Variants in KANK1 observed in about 807,000 individuals in gnomAD.
The protein encoded by KANK1 is KN motif and ankyrin repeat domains 1, also known as KN motif and ankyrin repeat domain-containing protein 1.
A neutral mutation model predicts 106.2 loss-of-function variants in KANK1; 109 were observed. The observed-to-expected ratio is 1.03, with a 90% CI of 0.88 to 1.20. KANK1 has a LOEUF of 1.20. KANK1 is among the 50% of genes most tolerant of loss of function. The pLI is 0.00. For missense variants in KANK1, 2,399 were observed against 1,710.7 expected, an observed-to-expected ratio of 1.40 and a Z score of -7.10; for synonymous variants, 873 against 652.2, an observed-to-expected ratio of 1.34 and a Z score of -5.16.
At chr9:578,964 T>A (rs1821313846) in intron 1 of KANK1, among the ~76,000 whole-genome samples, 1 of 152,216 alleles carries the variant, frequency 6.6e-6, no homozygotes. Context: ...TGTTATATCT[T>A]GACTTAATAA....
At chr9:509,457 C>T (rs2058932709) in intron 1 of KANK1, among the ~76,000 whole-genome samples, 1 of 152,218 alleles carries the variant, frequency 6.6e-6, no homozygotes, top group Middle Eastern at 3.2e-3. Flanking sequence ...CAGTGCTTTT[C>T]CATGTCTGTT....
chr9:556,875 C>G (rs1224764958), intron 1 of KANK1, among the ~76,000 whole-genome samples: 6 of 152,154 alleles, frequency 3.9e-5, no homozygotes, highest in Non-Finnish European at 8.8e-5. Context: ...CCAGTATGGT[C>G]TCAGTAATGA....
chr9:569,525 C>A (rs550681174), intron 1 of KANK1, among the ~76,000 whole-genome samples: 10 of 152,160 alleles, frequency 6.6e-5, no homozygotes, highest in Non-Finnish European at 1.3e-4. Context: ...TCCCCACCAG[C>A]AAGAAGGCCC....
Position 614,557 on chromosome 9 carries a change from G to C in KANK1, c.-83-62333G>C, listed in dbSNP as rs527955709. 1.4e-4 allele frequency among the ~76,000 whole-genome samples: 22 copies of C among 152,302 alleles called. No homozygotes were observed. The East Asian group carries it at 4.2e-3, about 29-fold the overall frequency. On this transcript the variant is annotated intron_variant, in intron 1 of 11. Coordinates refer to ENST00000382297, the MANE Select transcript of KANK1 (RefSeq NM_015158.5). ...TGCTGCTGGTGTTATGAGTAGGACAGTTCCTCATTGTGTGGGACTGTCTCG... is the reference window on the plus strand; with the variant it reads ...TGCTGCTGGTGTTATGAGTAGGACACTTCCTCATTGTGTGGGACTGTCTCG...
chr9:629,385 T>C (rs1835139056), intron 1 of KANK1, among the ~76,000 whole-genome samples: 1 of 152,166 alleles, frequency 6.6e-6, no homozygotes, highest in African/African-American at 2.4e-5. Context: ...CTAACTTGGT[T>C]TCTTGCTGGT....
rs73376608 is a variant in KANK1 at position 740,761 on chromosome 9, C to G, written c.3554-31C>G. On this transcript the variant is annotated intron_variant, in intron 8 of 11. Coordinates refer to ENST00000382297, the MANE Select transcript of KANK1 (RefSeq NM_015158.5). The stretch of plus-strand genomic sequence containing the variant: ...GGCTGCTATTAGAAGGGGCTGCTTC[C>G]TAAGAGACTTTTTTTTTTTTTTTTT... 4,502 of 1,586,680 alleles carry G rather than the reference C, an allele frequency of 2.8e-3. 101 individuals carry two copies. The African/African-American group carries it at 0.053, about 19-fold the overall frequency.
At chr9:617,217 C>A (rs1832060127) in intron 1 of KANK1, among the ~76,000 whole-genome samples, 1 of 151,896 alleles carries the variant, frequency 6.6e-6, no homozygotes, top group African/African-American at 2.4e-5. Flanking sequence ...GAGTCCAGTT[C>A]TTTTGGCAGT....
chr9:508,111 C>CCTG (rs1427301775), intron 1 of KANK1, among the ~76,000 whole-genome samples: 1 of 143,662 alleles, frequency 7.0e-6, no homozygotes, highest in Non-Finnish European at 1.5e-5. Context: ...TGTGAGACAC[C>CCTG]CTGCTCAGCC....
intron 1 of KANK1, among the ~76,000 whole-genome samples, chr9:578,659 G>GA (rs1821235692): frequency 1.3e-5 from 2 of 152,000 alleles, no homozygotes; most frequent in Non-Finnish European, 2.9e-5. Context: ...CAAGTTTTAG[G>GA]AAAAAATCAA....
intron 1 of KANK1, among the ~76,000 whole-genome samples, chr9:640,751 C>G (rs1838240430): frequency 6.8e-6 from 1 of 147,192 alleles, no homozygotes; most frequent in Non-Finnish European, 1.5e-5. Flanking sequence ...GGCTGCAGTA[C>G]AGTGGTGCAA....
chr9:590,652 AG>A (rs1185584232), intron 1 of KANK1, among the ~76,000 whole-genome samples: 1 of 139,216 alleles, frequency 7.2e-6, no homozygotes, highest in Non-Finnish European at 1.6e-5. Context: ...TTTTTTTTTT[AG>A]GTGTGTATGC....
intron 1 of KANK1, among the ~76,000 whole-genome samples, chr9:663,244 G>A (rs1318405560): frequency 6.6e-6 from 1 of 152,136 alleles, no homozygotes; most frequent in African/African-American, 2.4e-5. Context: ...TATATCTGTG[G>A]CTACTACATT....
intron 1 of KANK1, among the ~76,000 whole-genome samples, chr9:568,164 C>G (rs80176722): frequency 6.6e-6 from 1 of 152,084 alleles, no homozygotes; most frequent in African/African-American, 2.4e-5. Flanking sequence ...TGGTTATAAC[C>G]ACTACCTTAT....
chr9:558,165 A>G (rs1033689353), intron 1 of KANK1, among the ~76,000 whole-genome samples: 1 of 152,208 alleles, frequency 6.6e-6, no homozygotes, highest in African/African-American at 2.4e-5. Flanking sequence ...AAGGGCATTA[A>G]GGAGGAGCAT....
chr9:702,423 G>C (rs1426967242), intron 2 of KANK1, among the ~76,000 whole-genome samples: 1 of 152,148 alleles, frequency 6.6e-6, no homozygotes, highest in Non-Finnish European at 1.5e-5. Context: ...CAGAGACTTT[G>C]TCCATTTTGT....
intron 1 of KANK1, among the ~76,000 whole-genome samples, chr9:641,780 A>G (rs1207510074): frequency 6.6e-6 from 1 of 152,214 alleles, no homozygotes; most frequent in East Asian, 1.9e-4. Context: ...CGTAATGACA[A>G]GGAAATTCAT....
chr9:745,141 AC>A (rs771208840), intron 11 of KANK1, 31 bp from the exon 12 acceptor site: 2 of 1,610,408 alleles, frequency 1.2e-6, no homozygotes, highest in Non-Finnish European at 1.7e-6. Flanking sequence ...TCACTTATTA[AC>A]CCCCAGTTTT....
Position 715,732 on chromosome 9 carries a change from G to A in KANK1, c.2698+2268G>A, listed in dbSNP as rs1298927280. On this transcript the variant is annotated intron_variant, in intron 3 of 11. Transcript: ENST00000382297. ...TGGCAGCCCCTCTCAGAGCACACAA[G>A]AACAAATTTTAAGTATTTCTGTAAT... 2.0e-5 allele frequency among the ~76,000 whole-genome samples: 3 copies of A among 152,168 alleles called. No homozygotes were observed. In the South Asian group the frequency reaches 6.2e-4, roughly 31 times the overall value.
chr9:732,292 A>T (rs1275569827), intron 5 of KANK1, 86 bp from the exon 6 acceptor site: 1 of 1,478,546 alleles, frequency 6.8e-7, no homozygotes, highest in Non-Finnish European at 9.1e-7. Context: ...TTCTGGAGTC[A>T]ATTAGCAAAT....
Sources: gnomAD v4.1 joint callset for allele counts (sites outside exome capture counted in the v4.1 genomes callset) on GRCh38, gnomAD v4.1.1 for gene constraint, MANE v1.5 for transcripts, NCBI Gene and HGNC (gene_info 2026-07-23, HGNC 2026-07-21) for gene names.